Variants in GSTM2 observed in about 807,000 individuals in gnomAD.
GSTM2 encodes the protein GST class-mu 2.
In GSTM2, 33 loss-of-function variants were observed where a neutral mutation model predicts 33.3. The observed-to-expected ratio is 0.99, with a 90% CI of 0.75 to 1.33. The LOEUF (loss-of-function observed/expected upper bound fraction) is 1.33, where lower values mean the gene tolerates loss of function less well. GSTM2 is among the 40% of genes most tolerant of loss of function. The pLI, the probability that GSTM2 is intolerant of heterozygous loss-of-function variation, is 0.00. For synonymous variants in GSTM2, 93 were observed against 95.6 expected (o/e 0.97, Z 0.16); for missense variants, 213 against 265.8 (o/e 0.80, Z 1.38).
In GSTM2 at chr1:109,671,546, C is replaced by T; in HGVS notation, c.530C>T (p.Ala177Val). Residue 177 changes from alanine to valine, a missense_variant, in exon 7 of 8, where the codon GCC becomes GTC. Transcript: ENST00000241337. The part of the protein sequence containing the change: ...NQVFEPSCLD[A>V]FPNLKDFISR... Reference sequence around the variant, plus strand: ...GTATTTGAGCCCAGCTGCCTGGATGCCTTCCCAAACCTGAAGGACTTCATC... The same window carrying T: ...GTATTTGAGCCCAGCTGCCTGGATGTCTTCCCAAACCTGAAGGACTTCATC... 6.2e-7 allele frequency: 1 copy of T among 1,611,008 alleles called. No individual in the cohort carries two copies.
rs756916991 is a variant in GSTM2, at chr1:109,671,317, C to T, written c.391C>T (p.Leu131Phe). ...ACTGAAACCAGAATACCTGCAGGCA[C>T]TCCCTGAAATGCTGAAGCTCTACTC... ...EKLKPEYLQA[L>F]PEMLKLYSQF... The change falls in exon 6 of 8, where the codon CTC becomes TTC. Residue 131 changes from leucine (L) to phenylalanine (F), a missense_variant. By Grantham distance (22) the Leu-to-Phe change is conservative. Transcript: ENST00000241337. The T allele has an allele frequency of 7.4e-6, 12 of 1,613,952 alleles. No homozygotes were observed. The highest frequency in any genetic ancestry group is 6.6e-5 in the South Asian group (6 of 91,082).
downstream of GSTM2, among the ~76,000 whole-genome samples, chr1:109,675,515 A>G (rs115738951): frequency 0.015 from 2,253 of 149,480 alleles, 265 homozygotes; most frequent in African/African-American, 0.052. Flanking sequence ...CTTGGCCTGG[A>G]TCTCCCATTC....
rs796157158 is a variant in GSTM2, at chr1:109,671,804, T to TA, written c.567+230dup. 6.0e-3 allele frequency among the ~76,000 whole-genome samples: 906 copies of TA among 150,148 alleles called. 8 individuals carry two copies. Among genetic ancestry groups the TA allele is most frequent in the African/African-American group, 0.02 (834 of 40,920 alleles). ...CAACATGGCAAAACCCCATCTTTAC[T>TA]AAAAAAAAATACAAAAATTAGCTGG... On this transcript the variant is annotated intron_variant, in intron 7 of 7. Coordinates refer to ENST00000241337, the MANE Select transcript of GSTM2 (RefSeq NM_000848.4).
At chr1:109,671,831 C>T (rs1273031315) in intron 7 of GSTM2, among the ~76,000 whole-genome samples, 2 of 151,944 alleles carry the variant, frequency 1.3e-5, no homozygotes, top group Non-Finnish European at 2.9e-5. Context: ...ATTAGCTGGG[C>T]GTGGTGGCGA....
In GSTM2 at chr1:109,668,075, C is replaced by G. The variant is rs1203391977; in HGVS notation, c.-41C>G. The G allele has an allele frequency of 6.2e-7, 1 of 1,609,644 alleles. No individual in the cohort carries two copies. The highest frequency in any genetic ancestry group is 1.3e-5 in the African/African-American group (1 of 74,986). ...GCCTCTCACAAACGCTGAGCCCCGC[C>G]CCGCTGAGGCCTGTCTGCAGAATCC... On this transcript the variant is annotated 5_prime_UTR_variant, in exon 1 of 8. Coordinates refer to ENST00000241337, the MANE Select transcript of GSTM2 (RefSeq NM_000848.4).
At position 109,671,317 on chromosome 1, in the gene GSTM2, C is replaced by A; in HGVS notation, c.391C>A (p.Leu131Ile). ...EKLKPEYLQA[L>I]PEMLKLYSQF... Reference sequence around the variant, plus strand: ...ACTGAAACCAGAATACCTGCAGGCACTCCCTGAAATGCTGAAGCTCTACTC... The same window carrying A: ...ACTGAAACCAGAATACCTGCAGGCAATCCCTGAAATGCTGAAGCTCTACTC... The change falls in exon 6 of 8, where the codon CTC (leucine) becomes ATC (isoleucine). Residue 131 changes from leucine (L) to isoleucine (I), a missense_variant. Transcript: ENST00000241337. 1 of 1,614,070 alleles carries A rather than the reference C, an allele frequency of 6.2e-7. No individual in the cohort carries two copies. The highest frequency in any genetic ancestry group is 1.1e-5 in the South Asian group (1 of 91,078).
chr1:109,673,418 G>C, intron 7 of GSTM2: 1 of 790,380 alleles, frequency 1.3e-6, no homozygotes, highest in South Asian at 1.8e-5. Context: ...ACAGATTTGG[G>C]GATTTGAGGC....
chr1:109,675,954 C>A (rs935474492), downstream of GSTM2, among the ~76,000 whole-genome samples: 1 of 152,246 alleles, frequency 6.6e-6, no homozygotes, highest in African/African-American at 2.4e-5. Context: ...CACAGTTCCA[C>A]AGGGCCTGGG....
At chr1:109,678,394 C>G (rs1647758270), downstream of GSTM2, among the ~76,000 whole-genome samples, 1 of 152,134 alleles carries the variant, frequency 6.6e-6, no homozygotes, top group Admixed American at 6.6e-5. Flanking sequence ...ACCTCTACCC[C>G]TCAAAGTGCT....
chr1:109,669,141 T>C, intron 3 of GSTM2, 149 bp from the exon 4 acceptor site: 9 of 1,263,648 alleles, frequency 7.1e-6, no homozygotes, highest in Non-Finnish European at 1.0e-5. Context: ...TGATGTTCTG[T>C]GTCCCAGCTC....
chr1:109,677,933 C>G (rs1557960867), downstream of GSTM2, among the ~76,000 whole-genome samples: 2 of 152,202 alleles, frequency 1.3e-5, no homozygotes, highest in South Asian at 2.1e-4. Flanking sequence ...TTTCTCTCTT[C>G]TTGTTCACTG....
In GSTM2 at chr1:109,671,360, A is replaced by G; in HGVS notation, c.434A>G (p.Gln145Arg). 1 of 1,613,850 alleles carries G rather than the reference A, an allele frequency of 6.2e-7. No individual in the cohort carries two copies. Among genetic ancestry groups the G allele is most frequent in the Non-Finnish European group, 8.5e-7 (1 of 1,179,656 alleles). ...CTCTACTCACAGTTTCTGGGGAAGCAGCCATGGTTTCTTGGGGACAAGGTA... is the reference window on the plus strand; with the variant it reads ...CTCTACTCACAGTTTCTGGGGAAGCGGCCATGGTTTCTTGGGGACAAGGTA... Reference protein sequence around the residue: ...LKLYSQFLGKQPWFLGDKITF... With the variant: ...LKLYSQFLGKRPWFLGDKITF... Residue 145 changes from glutamine to arginine, a missense_variant, in exon 6 of 8, where the codon CAG becomes CGG. Transcript: ENST00000241337.
At chr1:109,673,284 G>A in intron 7 of GSTM2, 1 of 1,605,542 alleles carries the variant, frequency 6.2e-7, no homozygotes, top group South Asian at 1.1e-5. Flanking sequence ...AGGGTGTGAG[G>A]CACAGTGGGA....
Position 109,671,453 on chromosome 1 carries a change from A to G in GSTM2, c.457-20A>G, listed in dbSNP as rs906067205. ...CTATATTATGGAGGTTTCAGCCCACATATCCTTGGCCTTATCCAGATCACC... is the reference window on the plus strand; with the variant it reads ...CTATATTATGGAGGTTTCAGCCCACGTATCCTTGGCCTTATCCAGATCACC... On this transcript the variant is annotated intron_variant, in intron 6 of 7. Transcript: ENST00000241337. 6 of 1,585,206 alleles carry G rather than the reference A, an allele frequency of 3.8e-6. No individual in the cohort carries two copies. The African/African-American group carries it at 6.7e-5, about 18-fold the overall frequency.
At position 109,671,380 on chromosome 1, in the gene GSTM2, A is replaced by C. The variant is rs929299371; in HGVS notation, c.454A>C (p.Lys152Gln). The stretch of plus-strand genomic sequence containing the variant: ...GAAGCAGCCATGGTTTCTTGGGGAC[A>C]AGGTAATGGGGGCGTGTGATGGGGA... ...LGKQPWFLGD[K>Q]ITFVDFIAYD... Residue 152 changes from lysine to glutamine, a missense_variant and splice_region_variant, in exon 6 of 8, where the codon AAG becomes CAG. Physicochemically the swap from Lys to Gln is moderately conservative, Grantham distance 53. Coordinates refer to ENST00000241337, the MANE Select transcript of GSTM2 (RefSeq NM_000848.4). The C allele has an allele frequency of 6.2e-7, 1 of 1,611,838 alleles. No homozygotes were observed. Among genetic ancestry groups the C allele is most frequent in the African/African-American group, 1.3e-5 (1 of 74,886 alleles).
At chr1:109,673,529 G>A (rs538912630) in intron 7 of GSTM2, 31 of 422,714 alleles carry the variant, frequency 7.3e-5, no homozygotes, top group African/African-American at 3.7e-4. Context: ...CTGGTTCTGC[G>A]GTTCTGGTCC....
downstream of GSTM2, among the ~76,000 whole-genome samples, chr1:109,678,472 C>T (rs1647761220): frequency 6.6e-6 from 1 of 152,092 alleles, no homozygotes. Flanking sequence ...ATGGGCTGGG[C>T]GCAGTGGCTC....
chr1:109,678,128 A>G (rs181627841), downstream of GSTM2, among the ~76,000 whole-genome samples: 4 of 152,198 alleles, frequency 2.6e-5, no homozygotes, highest in Admixed American at 6.5e-5. Flanking sequence ...TAGATTCTAC[A>G]GTTTTTTCTC....
At chr1:109,682,465 CT>C (rs1647877067) in intron 7 of GSTM2, among the ~76,000 whole-genome samples, 1 of 87,916 alleles carries the variant, frequency 1.1e-5, no homozygotes, top group Non-Finnish European at 3.0e-5. Context: ...TGGTCTTGAT[CT>C]CCTGACCTCG....
Sources: allele counts gnomAD v4.1 joint callset (sites outside exome capture counted in the v4.1 genomes callset), GRCh38; gene constraint gnomAD v4.1.1; transcripts MANE v1.5; gene names NCBI Gene and HGNC (gene_info 2026-07-23, HGNC 2026-07-21).